The following IRAK3 variants were observed in gnomAD, a reference collection of about 807,000 sequenced individuals.
The protein encoded by IRAK3 is interleukin 1 receptor associated kinase 3, also known as interleukin-1 receptor-associated kinase 3.
IRAK3 carries 57 observed loss-of-function variants against 56.6 expected under a neutral mutation model. The ratio of observed to expected loss-of-function variants is 1.01; its 90% confidence interval spans 0.81 to 1.26. IRAK3 has a LOEUF of 1.26. Ranked by LOEUF, IRAK3 falls within the 50% of genes most tolerant of loss-of-function variation. IRAK3 has a pLI of 0.00. For missense variants in IRAK3, 703 were observed against 719.0 expected, an observed-to-expected ratio of 0.98 and a Z score of 0.25; for synonymous variants, 258 against 255.7, an observed-to-expected ratio of 1.01 and a Z score of -0.09.
At chr12:66,235,775 A>T (rs1419078661) in intron 8 of IRAK3, among the ~76,000 whole-genome samples, 1 of 152,256 alleles carries the variant, frequency 6.6e-6, no homozygotes, top group Non-Finnish European at 1.5e-5. Context: ...AAAAATATTA[A>T]AAGTAAAATA....
At chr12:66,242,480 T>C (rs2052979983) in intron 8 of IRAK3, among the ~76,000 whole-genome samples, 1 of 151,984 alleles carries the variant, frequency 6.6e-6, no homozygotes, top group South Asian at 2.1e-4. Flanking sequence ...GTTCTCCAAG[T>C]GAGAAAGTAA....
chr12:66,240,103 A>G (rs953772794), intron 8 of IRAK3, among the ~76,000 whole-genome samples: 4 of 152,216 alleles, frequency 2.6e-5, no homozygotes, highest in African/African-American at 9.7e-5. Flanking sequence ...AAGGTAATGG[A>G]CATAGGATGG....
At chr12:66,209,766 T>C (rs1376579198) in intron 3 of IRAK3, among the ~76,000 whole-genome samples, 1 of 152,256 alleles carries the variant, frequency 6.6e-6, no homozygotes, top group African/African-American at 2.4e-5. Context: ...TGAGAACTAC[T>C]AAGGATGCTG....
chr12:66,248,186 T>C lies in IRAK3; in HGVS notation c.*15T>C, dbSNP rs1217050969. 2 of 1,601,994 alleles carry C rather than the reference T, an allele frequency of 1.2e-6. No homozygotes were observed. The highest frequency in any genetic ancestry group is 2.2e-5 in the East Asian group (1 of 44,830). On this transcript the variant is annotated 3_prime_UTR_variant, in exon 12 of 12. Transcript: ENST00000261233. ...AAAAAGAATAAATTCTACCAGAAGA[T>C]AAAGAAAAAAGCAAGTATTGCATAG...
Position 66,251,878 on chromosome 12 carries a change from T to C in IRAK3, c.*3707T>C, listed in dbSNP as rs2053103288. The C allele has an allele frequency of 6.6e-6, 1 of 152,206 alleles. No individual in the cohort carries two copies. Among genetic ancestry groups the C allele is most frequent in the African/African-American group, 2.4e-5 (1 of 41,450 alleles). 9.4% of individuals were successfully genotyped at this position (152,206 alleles called of 1,614,324 possible). On this transcript the variant is annotated 3_prime_UTR_variant, in exon 12 of 12. Coordinates refer to ENST00000261233, the MANE Select transcript of IRAK3 (RefSeq NM_007199.3). The stretch of plus-strand genomic sequence containing the variant: ...AAGTCAACAGTTCAGTGACATCTGT[T>C]ATTTGAACCACACACCAATGCAACC...
chr12:66,244,892 C>T, intron 9 of IRAK3, 56 bp from the exon 10 acceptor site: 3 of 1,349,566 alleles, frequency 2.2e-6, no homozygotes, highest in Non-Finnish European at 2.1e-6. Context: ...ATAGTTGCAA[C>T]AAATTGTGTG....
intron 6 of IRAK3, among the ~76,000 whole-genome samples, chr12:66,223,931 ACATTTATTTGTCTGATC>A (rs1592592338): frequency 6.6e-6 from 1 of 151,690 alleles, no homozygotes; most frequent in African/African-American, 2.4e-5. Flanking sequence ...TTCATTTTTT[ACATTTATTTGTCTGATC>A]CATTTATTTG....
At chr12:66,203,689 G>A in intron 1 of IRAK3, 22 bp from the exon 2 acceptor site, 1 of 1,610,856 alleles carries the variant, frequency 6.2e-7, no homozygotes, top group Non-Finnish European at 8.5e-7. Context: ...ACAATTCTTT[G>A]TTTATATTGC....
rs11465968 is a variant in IRAK3, at chr12:66,222,016, A to C, written c.654-4707A>C. On this transcript the variant is annotated intron_variant, in intron 6 of 11. Coordinates refer to ENST00000261233, the MANE Select transcript of IRAK3 (RefSeq NM_007199.3). ...CACACTCTAGCCTGGGCAACAGAGC[A>C]AGACTCGATCTCCAAAAACAAACAA... Among the ~76,000 whole-genome samples the C allele has an allele frequency of 7.1e-3, 1,079 of 152,302 alleles. 13 individuals are homozygous for C. The highest frequency in any genetic ancestry group is 0.024 in the African/African-American group (1,001 of 41,564).
At chr12:66,209,320 A>G in intron 2 of IRAK3, 136 bp from the exon 3 acceptor site, 1 of 652,372 alleles carries the variant, frequency 1.5e-6, no homozygotes, top group Non-Finnish European at 2.8e-6. Flanking sequence ...TCACAAATTT[A>G]TCGTAATGTT....
intron 6 of IRAK3, among the ~76,000 whole-genome samples, chr12:66,224,894 G>A (rs543006530): frequency 1.8e-4 from 28 of 152,250 alleles, no homozygotes; most frequent in African/African-American, 6.7e-4. Flanking sequence ...GAAGGTATCA[G>A]ATCTGCTAAC....
intron 8 of IRAK3, among the ~76,000 whole-genome samples, chr12:66,237,421 ATTATCT>A (rs1159525211): frequency 1.4e-4 from 22 of 152,270 alleles, no homozygotes; most frequent in African/African-American, 5.1e-4. Flanking sequence ...TGCCGCTGGA[ATTATCT>A]ATATACAGCT....
chr12:66,192,202 A>C (rs1032489953), intron 1 of IRAK3, among the ~76,000 whole-genome samples: 1 of 152,190 alleles, frequency 6.6e-6, no homozygotes, highest in African/African-American at 2.4e-5. Context: ...CATATAACAG[A>C]TATTTTACTA....
Position 66,211,607 on chromosome 12 carries a change from G to C in IRAK3, c.588+10G>C. On this transcript the variant is annotated intron_variant, in intron 5 of 11. Transcript: ENST00000261233. ...CAAATTATTTAAACAGGTATGGAAA[G>C]AATTACTGTCACAGGACATCAGTTC... is the stretch of plus-strand genomic sequence containing the variant. 6.2e-7 allele frequency: 1 copy of C among 1,602,538 alleles called. No individual in the cohort carries two copies. Among genetic ancestry groups the C allele is most frequent in the Non-Finnish European group, 8.5e-7 (1 of 1,169,922 alleles).
chr12:66,233,564 A>C (rs530467080), intron 8 of IRAK3, among the ~76,000 whole-genome samples: 2 of 152,078 alleles, frequency 1.3e-5, no homozygotes, highest in South Asian at 4.2e-4. Context: ...CACTGACGGC[A>C]ACACTGAATT....
rs1220950223 is a variant in IRAK3 at position 66,249,039 on chromosome 12, A to G, written c.*868A>G. 6.6e-6 allele frequency: 1 copy of G among 152,016 alleles called. No homozygotes were observed. The highest frequency in any genetic ancestry group is 2.4e-5 in the African/African-American group (1 of 41,370). 9.4% of individuals were successfully genotyped at this position (152,016 alleles called of 1,614,324 possible). On this transcript the variant is annotated 3_prime_UTR_variant, in exon 12 of 12. Transcript: ENST00000261233. ...ATCATCAGAGCTCTACAAAACAGCC[A>G]CCTCCTGGAAGCTTCCCTAATCTCT...
Position 66,244,469 on chromosome 12 carries a change from C to T in IRAK3, c.888-17C>T. On this transcript the variant is annotated splice_polypyrimidine_tract_variant and intron_variant, in intron 8 of 11. Transcript: ENST00000261233. ...TTTATGATATTTTGTCTTGTTTGTC[C>T]CTGATCACAATTTTAGTGCAAACAT... 1 of 1,604,948 alleles carries T rather than the reference C, an allele frequency of 6.2e-7. No homozygotes were observed.
chr12:66,227,720 A>G (rs978474950), intron 7 of IRAK3, among the ~76,000 whole-genome samples: 2 of 150,896 alleles, frequency 1.3e-5, no homozygotes, highest in Non-Finnish European at 2.9e-5. Flanking sequence ...TGATTCTGCC[A>G]CTGTACTCCA....
intron 8 of IRAK3, among the ~76,000 whole-genome samples, chr12:66,239,864 G>A (rs1268329199): frequency 3.9e-5 from 6 of 151,998 alleles, no homozygotes; most frequent in African/African-American, 1.2e-4. Flanking sequence ...ACATATGCAC[G>A]GTACATGCCA....
Sources: gnomAD v4.1 joint callset for allele counts (sites outside exome capture counted in the v4.1 genomes callset) on GRCh38, gnomAD v4.1.1 for gene constraint, MANE v1.5 for transcripts, NCBI Gene and HGNC (gene_info 2026-07-23, HGNC 2026-07-21) for gene names.